Variants in CPNE3 observed in about 807,000 individuals in gnomAD.
CPNE3 encodes the protein copine 3.
A neutral mutation model predicts 63.9 loss-of-function variants in CPNE3; 68 were observed. The observed-to-expected ratio is 1.06, with a 90% CI of 0.87 to 1.30. The LOEUF is 1.30. CPNE3 is among the 50% of genes most tolerant of loss of function. CPNE3 has a pLI of 0.00. For synonymous variants in CPNE3, 219 were observed against 197.5 expected (o/e 1.11, Z -0.91); for missense variants, 665 against 578.1 (o/e 1.15, Z -1.54).
At chr8:86,556,420 G>T in intron 16 of CPNE3, 82 bp downstream of exon 16, 1 of 816,228 alleles carries the variant, frequency 1.2e-6, no homozygotes, top group East Asian at 2.4e-5. Context: ...AGTTGATTAG[G>T]TGTGCAGGGT....
chr8:86,529,417 G>A (rs962139560), intron 4 of CPNE3, among the ~76,000 whole-genome samples: 3 of 152,004 alleles, frequency 2.0e-5, no homozygotes, highest in Non-Finnish European at 4.4e-5. Flanking sequence ...GTTCTCTACG[G>A]TTTTGTTATG....
intron 2 of CPNE3, among the ~76,000 whole-genome samples, chr8:86,526,953 T>C (rs1156356983): frequency 1.3e-5 from 2 of 152,220 alleles, no homozygotes; most frequent in East Asian, 3.8e-4. Flanking sequence ...GAGAGTTCAA[T>C]AGAATTATCA....
intron 6 of CPNE3, among the ~76,000 whole-genome samples, chr8:86,535,120 TTC>T (rs1218605738): frequency 1.3e-5 from 2 of 152,126 alleles, no homozygotes; most frequent in African/African-American, 4.8e-5. Flanking sequence ...CTTTTTGAAG[TTC>T]TTTTTGTCTT....
At chr8:86,545,772 C>T (rs952286135) in intron 9 of CPNE3, among the ~76,000 whole-genome samples, 3 of 152,020 alleles carry the variant, frequency 2.0e-5, no homozygotes, top group Non-Finnish European at 4.4e-5. Flanking sequence ...TTGAATATCT[C>T]TTATATTATT....
At chr8:86,539,296 C>T (rs1563693372) in intron 7 of CPNE3, among the ~76,000 whole-genome samples, 1 of 152,022 alleles carries the variant, frequency 6.6e-6, no homozygotes, top group Non-Finnish European at 1.5e-5. Context: ...TTCTCAGTTC[C>T]CCTTGTACTT....
chr8:86,556,937 G>C (rs555809838), intron 16 of CPNE3, among the ~76,000 whole-genome samples: 1 of 152,124 alleles, frequency 6.6e-6, no homozygotes, highest in African/African-American at 2.4e-5. Context: ...TTTGGGATTG[G>C]CTTTTTTTCC....
Position 86,537,586 on chromosome 8 carries a change from A to C in CPNE3, c.483A>C (p.Pro161=). The C allele has an allele frequency of 6.2e-7, 1 of 1,607,922 alleles. No individual in the cohort carries two copies. The highest frequency in any genetic ancestry group is 8.5e-7 in the Non-Finnish European group (1 of 1,174,472). ...AGGATCTATTTGGAAAGTCAGACCC[A>C]TACCTGGAATTCCACAAGCAGACAT... The part of the protein sequence containing the change: ...DNKDLFGKSD[P]YLEFHKQTSD... Residue 161 remains proline, a synonymous_variant, in exon 7 of 17, where the codon CCA becomes CCC. Transcript: ENST00000517490.
At chr8:86,519,323 A>G (rs1178316312) in intron 2 of CPNE3, among the ~76,000 whole-genome samples, 3 of 152,246 alleles carry the variant, frequency 2.0e-5, no homozygotes, top group Admixed American at 2.0e-4. Flanking sequence ...TTGTAATGAT[A>G]AAGAGAAGGT....
intron 9 of CPNE3, among the ~76,000 whole-genome samples, chr8:86,545,653 T>C (rs1821030479): frequency 6.6e-6 from 1 of 152,256 alleles, no homozygotes; most frequent in African/African-American, 2.4e-5. Flanking sequence ...ATCATTGTAT[T>C]ATACCACGTG....
At chr8:86,541,475 G>A (rs1014194663) in intron 8 of CPNE3, among the ~76,000 whole-genome samples, 4 of 152,002 alleles carry the variant, frequency 2.6e-5, no homozygotes, top group African/African-American at 4.8e-5. Flanking sequence ...AGGCCGAGGC[G>A]GGCAAATTGC....
intron 2 of CPNE3, among the ~76,000 whole-genome samples, chr8:86,521,185 A>G (rs1331491597): frequency 6.6e-6 from 1 of 152,190 alleles, no homozygotes; most frequent in Non-Finnish European, 1.5e-5. Context: ...GCACCTACAC[A>G]CATGGCAGAC....
chr8:86,529,334 G>A (rs1192356882), intron 4 of CPNE3, among the ~76,000 whole-genome samples: 1 of 152,132 alleles, frequency 6.6e-6, no homozygotes, highest in Non-Finnish European at 1.5e-5. Context: ...GAAAAAGCCT[G>A]TTAATTCTTT....
At position 86,531,221 on chromosome 8, in the gene CPNE3, A is replaced by T; in HGVS notation, c.379A>T (p.Ser127Cys). The T allele has an allele frequency of 8.4e-7, 1 of 1,185,124 alleles. No homozygotes were observed. Among genetic ancestry groups the T allele is most frequent in the Non-Finnish European group, 1.3e-6 (1 of 787,710 alleles). 73.4% of individuals were successfully genotyped at this position (1,185,124 alleles called of 1,614,324 possible). ...AACTGGCAGACCTGCAGGAAAAGGG[A>T]GCATTACGGTAAAAATAAGATATTT... Reference protein sequence around the residue: ...MKTGRPAGKGSITISAEEIKD... With the variant: ...MKTGRPAGKGCITISAEEIKD... Residue 127 changes from serine (S) to cysteine (C), a missense_variant, in exon 5 of 17, where the codon AGC (serine) becomes TGC (cysteine). Transcript: ENST00000517490.
rs1821171901 is a variant in CPNE3 at position 86,551,281 on chromosome 8, A to G, written c.1120+47A>G. 4.0e-6 allele frequency: 5 copies of G among 1,253,394 alleles called. No homozygotes were observed. The South Asian group carries it at 4.9e-5, about 12-fold the overall frequency. 77.6% of individuals were successfully genotyped at this position (1,253,394 alleles called of 1,614,324 possible). On this transcript the variant is annotated intron_variant, in intron 14 of 16. Transcript: ENST00000517490. ...AAGACTTCAAATGGAAAGGCTCACT[A>G]GTCTTTGTTATTTTGTTCTTTGTTC...
At position 86,546,275 on chromosome 8, in the gene CPNE3, A is replaced by G. The variant is rs562921111; in HGVS notation, c.733-320A>G. Among the ~76,000 whole-genome samples, 15 of 152,098 alleles carry G rather than the reference A, an allele frequency of 9.9e-5. No homozygotes were observed. In the South Asian group the frequency reaches 2.9e-3, roughly 29 times the overall value. On this transcript the variant is annotated intron_variant, in intron 9 of 16. Coordinates refer to ENST00000517490, the MANE Select transcript of CPNE3 (RefSeq NM_003909.5). ...ATGTTATATCATAGGGCCCAACTCTATGGTAAAATATGCAGCAAAGAGAAA... is the reference window on the plus strand; with the variant it reads ...ATGTTATATCATAGGGCCCAACTCTGTGGTAAAATATGCAGCAAAGAGAAA...
chr8:86,557,387 C>T (rs1171515484), intron 16 of CPNE3, among the ~76,000 whole-genome samples: 1 of 152,168 alleles, frequency 6.6e-6, no homozygotes, highest in Admixed American at 6.5e-5. Flanking sequence ...CCACTCGCCT[C>T]GGCCTCCCTA....
intron 2 of CPNE3, among the ~76,000 whole-genome samples, chr8:86,516,722 T>C (rs368510284): frequency 6.6e-5 from 10 of 152,324 alleles, no homozygotes; most frequent in African/African-American, 2.2e-4. Flanking sequence ...ATCCATTGTT[T>C]CCTTTGCCTT....
intron 10 of CPNE3, chr8:86,547,507 A>G: frequency 2.0e-6 from 1 of 504,746 alleles, no homozygotes. Context: ...TAATCTTAAC[A>G]TTGCTACAAT....
intron 8 of CPNE3, 127 bp downstream of exon 8, chr8:86,540,461 A>G: frequency 4.9e-6 from 2 of 407,352 alleles, no homozygotes; most frequent in Non-Finnish European, 8.6e-6. Context: ...GTTAAATTTT[A>G]TGTGTGTAGA....
Sources: gnomAD v4.1 joint callset for allele counts (sites outside exome capture counted in the v4.1 genomes callset) on GRCh38, gnomAD v4.1.1 for gene constraint, MANE v1.5 for transcripts, NCBI Gene and HGNC (gene_info 2026-07-23, HGNC 2026-07-21) for gene names.